The following SNX5 variants were observed in gnomAD, a reference collection of about 807,000 sequenced individuals.
SNX5 encodes the protein sorting nexin 5, also known as sorting nexin-5.
In SNX5, 31 loss-of-function variants were observed where a neutral mutation model predicts 53.9. That is an observed-to-expected ratio of 0.58 (90% CI 0.43 to 0.78). SNX5 has a LOEUF of 0.78. SNX5 is among the 30% of genes least tolerant of loss of function. The pLI, the probability that SNX5 is intolerant of heterozygous loss-of-function variation, is 0.00. For missense variants in SNX5, 471 were observed against 478.8 expected, an observed-to-expected ratio of 0.98 and a Z score of 0.15; for synonymous variants, 168 against 171.1, an observed-to-expected ratio of 0.98 and a Z score of 0.14.
Position 17,950,313 on chromosome 20 carries a change from G to A in SNX5, c.693C>T (p.Asp231=). The A allele has an allele frequency of 6.2e-7, 1 of 1,612,820 alleles. No individual in the cohort carries two copies. Among genetic ancestry groups the A allele is most frequent in the Non-Finnish European group, 8.5e-7 (1 of 1,178,868 alleles). Residue 231 remains aspartate (D), a synonymous_variant, in exon 7 of 13, where the codon GAC becomes GAT. Coordinates refer to ENST00000377759, the MANE Select transcript of SNX5 (RefSeq NM_014426.4). The part of the protein sequence containing the change: ...NRIKDSCVKA[D]KMTRSHKNVA... The stretch of plus-strand genomic sequence containing the variant: ...TACTTTTATGAGATCTGGTCATTTT[G>A]TCAGCTTTCACACAAGAATCTTTGA...
chr20:17,952,475 G>T, intron 5 of SNX5, 112 bp downstream of exon 5: 1 of 1,059,254 alleles, frequency 9.4e-7, no homozygotes. Context: ...CATCTAAAAA[G>T]GTTTCCATTG....
rs2035377940 is a variant in SNX5 at position 17,957,295 on chromosome 20, C to T, written c.52-258G>A. 2.6e-5 allele frequency among the ~76,000 whole-genome samples: 4 copies of T among 151,866 alleles called. No homozygotes were observed. The South Asian group carries it at 8.3e-4, about 32-fold the overall frequency. On this transcript the variant is annotated intron_variant, in intron 1 of 12. Coordinates refer to ENST00000377759, the MANE Select transcript of SNX5 (RefSeq NM_014426.4). ...CTAAAAATACAAAAAATTAGCTAAG[C>T]GTGGTGGCGGGCACCTGTAGTCCCA...
At chr20:17,950,228 C>T in intron 7 of SNX5, 21 bp from the exon 8 acceptor site, 1 of 1,613,936 alleles carries the variant, frequency 6.2e-7, no homozygotes, top group Non-Finnish European at 8.5e-7. Context: ...AAGGACAAGT[C>T]TTTTTATCCA....
At chr20:17,954,153 C>T in intron 3 of SNX5, 36 bp from the exon 4 acceptor site, 2 of 1,609,092 alleles carry the variant, frequency 1.2e-6, no homozygotes, top group Non-Finnish European at 1.7e-6. Flanking sequence ...GCCTCTTGTC[C>T]CAGCAGCGAT....
In SNX5 at chr20:17,956,697, A is replaced by AAAAAAAAC. The variant is rs1568594152; in HGVS notation, c.156+228_156+235dup. ...CCAAAAAAAAAAAAAAAAAAAAAAA[A>AAAAAAAAC]AAAAAAACAAAAAAACAATGCCCAC... On this transcript the variant is annotated intron_variant, in intron 2 of 12. Transcript: ENST00000377759. 5.3e-3 allele frequency among the ~76,000 whole-genome samples: 665 copies of AAAAAAAAC among 126,462 alleles called. 14 individuals carry two copies. Among genetic ancestry groups the AAAAAAAAC allele is most frequent in the African/African-American group, 6.4e-3 (231 of 36,368 alleles). The allele number at this position is 126,462 out of a possible 152,430, so 83.0% of individuals were successfully genotyped here. A position where few individuals can be genotyped will look rare whatever the true frequency, so the allele number is the denominator to read the frequency against.
intron 2 of SNX5, 47 bp from the exon 3 acceptor site, chr20:17,955,522 AG>A: frequency 1.5e-6 from 2 of 1,355,218 alleles, no homozygotes; most frequent in Non-Finnish European, 2.1e-6. Flanking sequence ...CTTTTAGATA[AG>A]TGATCTGGGT....
intron 10 of SNX5, 42 bp from the exon 11 acceptor site, chr20:17,947,687 C>T (rs1414176385): frequency 6.5e-7 from 1 of 1,547,416 alleles, no homozygotes; most frequent in South Asian, 1.2e-5. Flanking sequence ...AGTATCTAAA[C>T]CAGTCTAAAA....
At chr20:17,958,854 T>C (rs3790297) in intron 1 of SNX5, among the ~76,000 whole-genome samples, 5 of 152,202 alleles carry the variant, frequency 3.3e-5, no homozygotes, top group African/African-American at 1.2e-4. Context: ...TGAGATGTGA[T>C]TGCAGAGGCT....
chr20:17,943,740 C>T (rs1414685487), intron 11 of SNX5: 1 of 152,402 alleles, frequency 6.6e-6, no homozygotes, highest in African/African-American at 2.4e-5. Flanking sequence ...GTGAACTCTT[C>T]TACACCGTTG....
At chr20:17,953,044 G>A (rs1412829543) in intron 4 of SNX5, among the ~76,000 whole-genome samples, 1 of 152,198 alleles carries the variant, frequency 6.6e-6, no homozygotes, top group East Asian at 1.9e-4. Context: ...TGCAGCCTAA[G>A]TATACAGCAT....
At chr20:17,957,062 G>A in intron 1 of SNX5, 25 bp from the exon 2 acceptor site, 1 of 1,322,530 alleles carries the variant, frequency 7.6e-7, no homozygotes, top group Non-Finnish European at 1.1e-6. Context: ...TTGCGTATTA[G>A]TTTCAAACTC....
chr20:17,966,124 C>G (rs1233812014), intron 1 of SNX5, among the ~76,000 whole-genome samples: 1 of 152,134 alleles, frequency 6.6e-6, no homozygotes, highest in Non-Finnish European at 1.5e-5. Flanking sequence ...CAAGTTGTTA[C>G]TGTCAAGGAA....
chr20:17,951,033 C>G (rs989371020), intron 6 of SNX5: 3 of 158,008 alleles, frequency 1.9e-5, no homozygotes, highest in Non-Finnish European at 2.8e-5. Flanking sequence ...CTAACGGTAA[C>G]GGAAACGTTA....
chr20:17,951,273 T>G, intron 6 of SNX5: 2 of 489,536 alleles, frequency 4.1e-6, no homozygotes, highest in Non-Finnish European at 3.7e-6. Context: ...AAGGAGAAAA[T>G]GAAGCCAAGT....
rs1045571002 is a variant in SNX5 at position 17,961,266 on chromosome 20, C to G, written c.52-4229G>C. On this transcript the variant is annotated intron_variant, in intron 1 of 12. Transcript: ENST00000377759. ...GTCCAAATTTCACTTACGACTCTAC[C>G]AGCAAAGCTGCCTCTTCAAAAGGTT... is the stretch of plus-strand genomic sequence containing the variant. The G allele has an allele frequency of 6.1e-6, 6 of 985,322 alleles. No homozygotes were observed. The African/African-American group carries it at 1.0e-4, about 17-fold the overall frequency. The allele number at this position is 985,322 out of a possible 1,614,324, so 61.0% of individuals were successfully genotyped here.
Position 17,952,771 on chromosome 20 carries a change from C to T in SNX5, c.390-61G>A, listed in dbSNP as rs1244810392. ...CAGCTCAACTACCTGACCAATACCA[C>T]TCCTGATTAATTCTATGGCCCTGCT... On this transcript the variant is annotated intron_variant, in intron 4 of 12. Coordinates refer to ENST00000377759, the MANE Select transcript of SNX5 (RefSeq NM_014426.4). 11 of 1,582,484 alleles carry T rather than the reference C, an allele frequency of 7.0e-6. No individual in the cohort carries two copies. In the Admixed American group the frequency reaches 2.0e-4, roughly 29 times the overall value.
At position 17,957,032 on chromosome 20, in the gene SNX5, T is replaced by G. The variant is rs776654591; in HGVS notation, c.57A>C (p.Arg19Ser). 1 of 1,577,346 alleles carries G rather than the reference T, an allele frequency of 6.3e-7. No homozygotes were observed. Residue 19 changes from arginine (R) to serine (S), a missense_variant, in exon 2 of 13, where the codon AGA becomes AGC. Arg to Ser is a moderately radical substitution (Grantham distance 110). Transcript: ENST00000377759. ...CAACATTCAGGTCCACAGATACAGA[T>G]CTCAGCTGAAATACATTTTTTGCGT... is the stretch of plus-strand genomic sequence containing the variant. ...QQQEEDRSKL[R>S]SVSVDLNVDP... is the part of the protein sequence containing the mutation.
intron 2 of SNX5, 67 bp downstream of exon 2, chr20:17,956,866 T>G: frequency 2.4e-6 from 2 of 839,474 alleles, no homozygotes; most frequent in Non-Finnish European, 4.2e-6. Flanking sequence ...GAATCTCTTC[T>G]CACATCCACT....
chr20:17,966,384 CAAAA>C lies in SNX5; in HGVS notation c.51+1987_51+1990del, dbSNP rs57885295. On this transcript the variant is annotated intron_variant, in intron 1 of 12. Transcript: ENST00000377759. The stretch of plus-strand genomic sequence containing the variant: ...TGGACGACAGAGCGAGACTCCGTCT[CAAAA>C]AAAAAAAAAAAATCAAAAACCAGTA... 5.6e-5 allele frequency among the ~76,000 whole-genome samples: 7 copies of C among 125,608 alleles called. No individual in the cohort carries two copies. In the East Asian group the frequency reaches 1.1e-3, roughly 20 times the overall value. 82.4% of individuals were successfully genotyped at this position (125,608 alleles called of 152,430 possible).
Sources: gnomAD v4.1 joint callset for allele counts (sites outside exome capture counted in the v4.1 genomes callset) on GRCh38, gnomAD v4.1.1 for gene constraint, MANE v1.5 for transcripts, NCBI Gene and HGNC (gene_info 2026-07-23, HGNC 2026-07-21) for gene names.